Variants in GRTP1 observed in about 807,000 individuals in gnomAD.
The protein encoded by GRTP1 is growth hormone regulated TBC protein 1.
A neutral mutation model predicts 38.1 loss-of-function variants in GRTP1; 56 were observed. The ratio of observed to expected loss-of-function variants is 1.47; its 90% CI spans 1.19 to 1.84. The LOEUF (loss-of-function observed/expected upper bound fraction) is 1.84. Ranked by LOEUF, GRTP1 falls within the 40% of genes most tolerant of loss-of-function variation. GRTP1 has a pLI of 0.00. For missense variants in GRTP1, 506 were observed against 453.9 expected (o/e 1.11, Z -1.04); for synonymous variants, 217 against 189.5 (o/e 1.14, Z -1.19).
intron 4 of GRTP1, among the ~76,000 whole-genome samples, chr13:113,347,447 CAGACCCAGGA>C (rs2043171744): frequency 1.1e-5 from 1 of 92,448 alleles, no homozygotes; most frequent in African/African-American, 6.4e-5. Context: ...TGGCTGAGAG[CAGACCCAGGA>C]GGATCTCTGT....
chr13:113,325,892 G>A (rs372549277), intron 6 of GRTP1, 27 bp downstream of exon 6: 95 of 1,613,672 alleles, frequency 5.9e-5, no homozygotes, highest in African/African-American at 3.1e-4. Flanking sequence ...CGGCCCGCCC[G>A]CCCCAGGGCC....
chr13:113,345,178 G>A (rs999833288), intron 4 of GRTP1, among the ~76,000 whole-genome samples: 1 of 152,156 alleles, frequency 6.6e-6, no homozygotes, highest in Non-Finnish European at 1.5e-5. Context: ...AAAAGCAAAA[G>A]GAAACAGTTT....
chr13:113,330,306 T>C (rs1566415105), intron 5 of GRTP1, among the ~76,000 whole-genome samples: 1 of 69,582 alleles, frequency 1.4e-5, no homozygotes, highest in Non-Finnish European at 2.7e-5. Flanking sequence ...GGTGCGTGCA[T>C]GGAGCCCAGG....
chr13:113,363,952 C>T, intron 1 of GRTP1, 42 bp from the exon 2 acceptor site: 1 of 1,589,420 alleles, frequency 6.3e-7, no homozygotes, highest in South Asian at 1.1e-5. Flanking sequence ...CCGAAGTTTC[C>T]TCTGGGGGGT....
intron 5 of GRTP1, 70 bp downstream of exon 5, chr13:113,344,793 C>T: frequency 4.0e-6 from 5 of 1,244,516 alleles, no homozygotes; most frequent in South Asian, 2.8e-5. Flanking sequence ...ATTTTGATTT[C>T]TCAGCGGAAT....
chr13:113,345,049 C>T, intron 4 of GRTP1, 90 bp from the exon 5 acceptor site: 1 of 1,431,190 alleles, frequency 7.0e-7, no homozygotes, highest in Non-Finnish European at 9.2e-7. Flanking sequence ...TACCCAGTTT[C>T]CATTTCTCTT....
chr13:113,326,375 GGT>G (rs1555313443), intron 5 of GRTP1, among the ~76,000 whole-genome samples: 1 of 66,994 alleles, frequency 1.5e-5, no homozygotes, highest in East Asian at 4.2e-4. Flanking sequence ...AGGGTGGCGC[GGT>G]GGGGGGGGGG....
chr13:113,354,565 G>A (rs994668429), intron 3 of GRTP1, among the ~76,000 whole-genome samples: 1 of 140,900 alleles, frequency 7.1e-6, no homozygotes, highest in African/African-American at 2.7e-5. Context: ...TTTCACTCTT[G>A]TTGCCCAGGC....
At chr13:113,346,236 G>GGAGGACCTCTGTGGCCGAGAGCAGACCCA (rs2043125766) in intron 4 of GRTP1, among the ~76,000 whole-genome samples, 2 of 22,318 alleles carry the variant, frequency 9.0e-5, no homozygotes, top group Admixed American at 9.3e-4. Context: ...GAACAGACCC[G>GGAGGACCTCTGTGGCCGAGAGCAGACCCA]GGAGGACCTC....
intron 2 of GRTP1, chr13:113,359,891 C>T (rs1237209430): frequency 6.6e-6 from 1 of 152,218 alleles, no homozygotes; most frequent in African/African-American, 2.4e-5. Flanking sequence ...CACAGACTGA[C>T]ACTTTCCCAA....
chr13:113,358,745 T>TA (rs1455112195), intron 2 of GRTP1, among the ~76,000 whole-genome samples: 3 of 151,944 alleles, frequency 2.0e-5, no homozygotes, highest in East Asian at 1.9e-4. Flanking sequence ...ATGACTAAAA[T>TA]AAAAAAACAC....
intron 4 of GRTP1, among the ~76,000 whole-genome samples, chr13:113,347,927 T>TA (rs1566433369): frequency 9.6e-6 from 1 of 104,410 alleles, no homozygotes; most frequent in African/African-American, 3.8e-5. Context: ...AGAACGGACC[T>TA]GGGAGGACCT....
intron 3 of GRTP1, among the ~76,000 whole-genome samples, chr13:113,354,677 C>T (rs1422679376): frequency 6.6e-6 from 1 of 152,018 alleles, no homozygotes; most frequent in South Asian, 2.1e-4. Context: ...TACAGGCATG[C>T]GCCACCACGC....
intron 4 of GRTP1, among the ~76,000 whole-genome samples, chr13:113,346,520 A>C (rs192827177): frequency 0.28 from 264 of 928 alleles, 72 homozygotes; most frequent in Admixed American, 0.39. Flanking sequence ...CTCTGTGGCA[A>C]AGAGCAGACC....
chr13:113,330,625 T>C (rs2042851172), intron 5 of GRTP1, among the ~76,000 whole-genome samples: 1 of 122,396 alleles, frequency 8.2e-6, no homozygotes. Flanking sequence ...GGTGTGTGCA[T>C]GGGAGCCCAG....
In GRTP1 at chr13:113,324,304, T is replaced by A; in HGVS notation, c.*184A>T. 1 of 826,286 alleles carries A rather than the reference T, an allele frequency of 1.2e-6. No homozygotes were observed. The highest frequency in any genetic ancestry group is 1.7e-6 in the Non-Finnish European group (1 of 591,614). The allele number at this position is 826,286 out of a possible 1,614,324, so 51.2% of individuals were successfully genotyped here. ...TCTTTAAAAAGTATGACTTCATAGC[T>A]AATCATCAAAAGCTGGTAGAATGAC... On this transcript the variant is annotated 3_prime_UTR_variant, in exon 8 of 8. Transcript: ENST00000375431.
intron 3 of GRTP1, among the ~76,000 whole-genome samples, chr13:113,352,841 C>T (rs1359591569): frequency 3.3e-5 from 5 of 152,218 alleles, no homozygotes; most frequent in African/African-American, 1.2e-4. Flanking sequence ...GACCAGGTGG[C>T]TCCAATTACT....
At chr13:113,352,722 T>G (rs1390068008) in intron 3 of GRTP1, among the ~76,000 whole-genome samples, 2 of 152,152 alleles carry the variant, frequency 1.3e-5, no homozygotes, top group African/African-American at 2.4e-5. Flanking sequence ...GATGGCTCCA[T>G]CTCCATTGTG....
chr13:113,334,874 G>C (rs2042932563), intron 5 of GRTP1, among the ~76,000 whole-genome samples: 2 of 152,262 alleles, frequency 1.3e-5, no homozygotes, highest in South Asian at 4.1e-4. Flanking sequence ...GCTGGATGGA[G>C]TGCAGTGGCG....
Sources: gnomAD v4.1 joint callset for allele counts (sites outside exome capture counted in the v4.1 genomes callset) on GRCh38, gnomAD v4.1.1 for gene constraint, MANE v1.5 for transcripts, NCBI Gene and HGNC (gene_info 2026-07-23, HGNC 2026-07-21) for gene names.